CDS2: variants seen among roughly 807,000 people sequenced by gnomAD.
The protein encoded by CDS2 is phosphatidate cytidylyltransferase 2.
CDS2 carries 47 observed loss-of-function variants against 59.0 expected under a neutral mutation model. The ratio of observed to expected loss-of-function variants is 0.80; its 90% CI spans 0.63 to 1.02. The LOEUF (loss-of-function observed/expected upper bound fraction) is 1.02, where lower values mean the gene tolerates loss of function less well. CDS2 is among the 50% of genes least tolerant of loss of function. CDS2 has a pLI of 0.00. For missense variants in CDS2, 356 were observed against 558.9 expected (o/e 0.64, Z 3.66); for synonymous variants, 207 against 206.4 (o/e 1.00, Z -0.02).
intron 1 of CDS2, among the ~76,000 whole-genome samples, chr20:5,134,038 C>T (rs1412837025): frequency 6.6e-6 from 1 of 152,090 alleles, no homozygotes; most frequent in African/African-American, 2.4e-5. Context: ...TGTGGAGACT[C>T]TTTGCAGAAA....
chr20:5,145,427 A>C (rs767950986), intron 1 of CDS2, among the ~76,000 whole-genome samples: 1 of 152,052 alleles, frequency 6.6e-6, no homozygotes, highest in Non-Finnish European at 1.5e-5. Context: ...TGTAATTTGC[A>C]TAGTTGTTTC....
chr20:5,189,630 C>A (rs899089284), intron 11 of CDS2, 105 bp from the exon 12 acceptor site: 11 of 754,064 alleles, frequency 1.5e-5, no homozygotes, highest in Non-Finnish European at 2.5e-5. Context: ...CTTCTATTGC[C>A]CTCAGCTACT....
chr20:5,170,671 A>T (rs2090949760), intron 1 of CDS2, among the ~76,000 whole-genome samples: 1 of 152,310 alleles, frequency 6.6e-6, no homozygotes, highest in African/African-American at 2.4e-5. Flanking sequence ...TGCTCAGAGG[A>T]TGCTTCCTCA....
At chr20:5,185,058 T>A (rs2091057424) in intron 8 of CDS2, 113 bp downstream of exon 8, 1 of 747,688 alleles carries the variant, frequency 1.3e-6, no homozygotes, top group African/African-American at 1.7e-5. Flanking sequence ...ATTGTGGCCA[T>A]GTCTTCATGT....
At chr20:5,151,159 T>A (rs1022714006) in intron 1 of CDS2, among the ~76,000 whole-genome samples, 1 of 152,222 alleles carries the variant, frequency 6.6e-6, no homozygotes, top group Non-Finnish European at 1.5e-5. Context: ...TTTTTAGTGT[T>A]GAAATGCCAC....
At chr20:5,149,436 G>A (rs1292196) in intron 1 of CDS2, among the ~76,000 whole-genome samples, 24 of 152,054 alleles carry the variant, frequency 1.6e-4, no homozygotes, top group Non-Finnish European at 3.5e-4. Flanking sequence ...GTCATTTTTA[G>A]TGTTGTTCCA....
chr20:5,165,589 T>C (rs2090907837), intron 1 of CDS2, among the ~76,000 whole-genome samples: 1 of 152,068 alleles, frequency 6.6e-6, no homozygotes, highest in Non-Finnish European at 1.5e-5. Context: ...TGCTCTGTCA[T>C]CTAGGCTGGA....
At chr20:5,171,347 G>C (rs2090954742) in intron 1 of CDS2, among the ~76,000 whole-genome samples, 1 of 152,206 alleles carries the variant, frequency 6.6e-6, no homozygotes, top group Non-Finnish European at 1.5e-5. Context: ...GGCTTTCTGT[G>C]TGTGAGTGCC....
At chr20:5,156,353 G>A (rs1245735989) in intron 1 of CDS2, among the ~76,000 whole-genome samples, 2 of 152,186 alleles carry the variant, frequency 1.3e-5, no homozygotes, top group African/African-American at 4.8e-5. Flanking sequence ...ACTAGTGTGG[G>A]TGGGAAAGAT....
At chr20:5,134,045 G>GA (rs1818890802) in intron 1 of CDS2, among the ~76,000 whole-genome samples, 1 of 152,114 alleles carries the variant, frequency 6.6e-6, no homozygotes, top group Non-Finnish European at 1.5e-5. Flanking sequence ...ACTCTTTGCA[G>GA]AAAAAAATGT....
intron 1 of CDS2, among the ~76,000 whole-genome samples, chr20:5,156,647 A>C (rs1234077481): frequency 6.6e-6 from 1 of 152,196 alleles, no homozygotes; most frequent in Non-Finnish European, 1.5e-5. Context: ...GACTAAAAAG[A>C]AAAAAAGGAA....
At chr20:5,181,236 T>A (rs948884039) in intron 5 of CDS2, among the ~76,000 whole-genome samples, 4 of 152,228 alleles carry the variant, frequency 2.6e-5, no homozygotes, top group Non-Finnish European at 5.9e-5. Flanking sequence ...TCTTCTGAGC[T>A]GCAGCCAGAG....
intron 1 of CDS2, among the ~76,000 whole-genome samples, chr20:5,133,294 C>T (rs1005147370): frequency 6.6e-6 from 1 of 152,134 alleles, no homozygotes; most frequent in African/African-American, 2.4e-5. Context: ...CCTTGTTGCC[C>T]AGGCTGGAGT....
At chr20:5,147,940 G>GTT (rs201521420) in intron 1 of CDS2, among the ~76,000 whole-genome samples, 2 of 150,816 alleles carry the variant, frequency 1.3e-5, no homozygotes, top group Admixed American at 1.3e-4. Context: ...AGCAGTGATT[G>GTT]TTTTTTTTTG....
rs983978128 is a variant in CDS2, at chr20:5,194,389, T to C, written c.*4155T>C. 5 of 152,336 alleles carry C rather than the reference T, an allele frequency of 3.3e-5. No homozygotes were observed. Among genetic ancestry groups the C allele is most frequent in the African/African-American group, 1.2e-4 (5 of 41,570 alleles). The allele number at this position is 152,336 out of a possible 1,614,324, so 9.4% of individuals were successfully genotyped here. On this transcript the variant is annotated 3_prime_UTR_variant, in exon 13 of 13. Coordinates refer to ENST00000460006, the MANE Select transcript of CDS2 (RefSeq NM_003818.4). ...GGCCCACCTTCTCTTGGGCCTGGAC[T>C]CTCCTTATCCACATCCCTGCAGAAG...
intron 1 of CDS2, among the ~76,000 whole-genome samples, chr20:5,134,894 A>G (rs1270393642): frequency 1.3e-5 from 2 of 152,188 alleles, no homozygotes; most frequent in Non-Finnish European, 2.9e-5. Flanking sequence ...GGAACATAAT[A>G]CTTGATAAAA....
intron 1 of CDS2, among the ~76,000 whole-genome samples, chr20:5,157,019 A>G (rs950173897): frequency 6.6e-6 from 1 of 152,166 alleles, no homozygotes; most frequent in Non-Finnish European, 1.5e-5. Context: ...GAGTACTCCA[A>G]AGCAAAATAA....
chr20:5,165,979 C>T (rs774085764), intron 1 of CDS2, among the ~76,000 whole-genome samples: 2 of 152,106 alleles, frequency 1.3e-5, no homozygotes, highest in Non-Finnish European at 2.9e-5. Context: ...TCTCAAGGGG[C>T]TTGTATGCCA....
intron 1 of CDS2, among the ~76,000 whole-genome samples, chr20:5,157,123 TA>T (rs2090839871): frequency 6.6e-6 from 1 of 152,098 alleles, no homozygotes; most frequent in Admixed American, 6.6e-5. Flanking sequence ...GGAATGGTGG[TA>T]CGCAAAGCAA....
Sources: gnomAD v4.1 joint callset for allele counts (sites outside exome capture counted in the v4.1 genomes callset) on GRCh38, gnomAD v4.1.1 for gene constraint, MANE v1.5 for transcripts, NCBI Gene and HGNC (gene_info 2026-07-23, HGNC 2026-07-21) for gene names.